The following TNFRSF8 variants were observed in gnomAD, a reference collection of about 807,000 sequenced individuals.
TNFRSF8 encodes the protein tumor necrosis factor receptor superfamily member 8.
In TNFRSF8, 26 loss-of-function variants were observed where a neutral mutation model predicts 70.8. The observed-to-expected ratio is 0.37, with a 90% CI of 0.27 to 0.51. The LOEUF (loss-of-function observed/expected upper bound fraction) is 0.51. Among genes scored for constraint, TNFRSF8 ranks in the 20% least tolerant of loss-of-function variants. TNFRSF8 has a pLI of 0.94. For missense variants in TNFRSF8, 720 were observed against 807.9 expected (o/e 0.89, Z 1.32); for synonymous variants, 356 against 339.2 (o/e 1.05, Z -0.54).
chr1:12,143,215 T>G lies in TNFRSF8; in HGVS notation c.*684T>G, dbSNP rs1254840783. On this transcript the variant is annotated 3_prime_UTR_variant, in exon 15 of 15. Coordinates refer to ENST00000263932, the MANE Select transcript of TNFRSF8 (RefSeq NM_001243.5). The surrounding 1 kb of genome is among the most constrained non-coding windows in gnomAD (Gnocchi z 4.1). Reference sequence around the variant, plus strand: ...CTTCCCTGTCCTGTAGCCCCCTCGGTGGGCCCAGGGCCTAGGGCCCAGGAT... The same window carrying G: ...CTTCCCTGTCCTGTAGCCCCCTCGGGGGGCCCAGGGCCTAGGGCCCAGGAT... 1 of 152,280 alleles carries G rather than the reference T, an allele frequency of 6.6e-6. No homozygotes were observed. Among genetic ancestry groups the G allele is most frequent in the East Asian group, 1.9e-4 (1 of 5,186 alleles). The allele number at this position is 152,280 out of a possible 1,614,324, so 9.4% of individuals were successfully genotyped here. A position where few individuals can be genotyped will look rare whatever the true frequency, so the allele number is the denominator to read the frequency against.
rs1428976090 is a variant in TNFRSF8, at chr1:12,119,144, G to GT, written c.946+3416dup. Among the ~76,000 whole-genome samples the GT allele has an allele frequency of 1.3e-5, 2 of 152,328 alleles. No individual in the cohort carries two copies. Among genetic ancestry groups the GT allele is most frequent in the East Asian group, 3.9e-4 (2 of 5,178 alleles). On this transcript the variant is annotated intron_variant, in intron 8 of 14. Coordinates refer to ENST00000263932, the MANE Select transcript of TNFRSF8 (RefSeq NM_001243.5). The surrounding 1 kb of genome is among the most constrained non-coding windows in gnomAD (Gnocchi z 4.4). ...TCGCAAAAGTGCTGGGATTACCGGC[G>GT]TGAGCCACTGCGCCCGGCCATTTGT...
At chr1:12,133,822 G>A (rs903668030) in intron 12 of TNFRSF8, among the ~76,000 whole-genome samples, 1 of 151,794 alleles carries the variant, frequency 6.6e-6, no homozygotes, top group African/African-American at 2.4e-5. Flanking sequence ...AGAGGCCGAG[G>A]CGGGCAGATC....
chr1:12,109,687 C>T lies in TNFRSF8; in HGVS notation c.512+31C>T, dbSNP rs972567131. ...TCCCTGGCTTTGCCTCCTCCTCTTCCCCCAAGCTGGCTTTCAGATGAGGCT... is the reference window on the plus strand; with the variant it reads ...TCCCTGGCTTTGCCTCCTCCTCTTCTCCCAAGCTGGCTTTCAGATGAGGCT... On this transcript the variant is annotated intron_variant, in intron 5 of 14. Transcript: ENST00000263932. The surrounding 1 kb of genome is among the most constrained non-coding windows in gnomAD (Gnocchi z 4.4). 4.4e-6 allele frequency: 7 copies of T among 1,589,826 alleles called. No homozygotes were observed. The highest frequency in any genetic ancestry group is 6.0e-6 in the Non-Finnish European group (7 of 1,159,292).
chr1:12,066,287 G>A (rs965709599), intron 1 of TNFRSF8, among the ~76,000 whole-genome samples: 1 of 151,398 alleles, frequency 6.6e-6, no homozygotes, highest in Non-Finnish European at 1.5e-5. Flanking sequence ...TTCCAGTAAA[G>A]GTTCGGGAAG....
chr1:12,071,885 T>TG (rs1057251091), intron 1 of TNFRSF8, among the ~76,000 whole-genome samples: 11 of 151,924 alleles, frequency 7.2e-5, no homozygotes, highest in African/African-American at 2.7e-4. Flanking sequence ...TTAGTAGAGA[T>TG]GGGGTTTCAC....
At chr1:12,066,496 G>A (rs548965551) in intron 1 of TNFRSF8, among the ~76,000 whole-genome samples, 4 of 152,030 alleles carry the variant, frequency 2.6e-5, no homozygotes, top group Admixed American at 1.3e-4. Context: ...TTGGATTACA[G>A]GCACTTGCCA....
chr1:12,076,813 T>C (rs1456287879), intron 1 of TNFRSF8, among the ~76,000 whole-genome samples: 3 of 152,094 alleles, frequency 2.0e-5, no homozygotes. Context: ...GCACTGAGTG[T>C]GGAGAGAGGG....
Position 12,119,604 on chromosome 1 carries a change from A to T in TNFRSF8, c.947-3680A>T, listed in dbSNP as rs914323521. Among the ~76,000 whole-genome samples the T allele has an allele frequency of 2.3e-4, 30 of 132,640 alleles. No individual in the cohort carries two copies. The highest frequency in any genetic ancestry group is 3.6e-4 in the Non-Finnish European group (22 of 61,462). 87.0% of individuals were successfully genotyped at this position (132,640 alleles called of 152,430 possible). ...AATTTATCTTATATCTTTTATTATT[A>T]TTTTTATTATTTTTAGAGACAGGGT... On this transcript the variant is annotated intron_variant, in intron 8 of 14. Transcript: ENST00000263932. The surrounding 1 kb of genome is among the most constrained non-coding windows in gnomAD (Gnocchi z 4.4).
intron 2 of TNFRSF8, among the ~76,000 whole-genome samples, chr1:12,092,509 CTTT>C (rs60030428): frequency 5.4e-5 from 7 of 130,042 alleles, no homozygotes; most frequent in Non-Finnish European, 8.2e-5. Context: ...TTTTTCTTGT[CTTT>C]TTTTTTTTTT....
At chr1:12,071,756 T>G (rs1385454668) in intron 1 of TNFRSF8, among the ~76,000 whole-genome samples, 1 of 152,120 alleles carries the variant, frequency 6.6e-6, no homozygotes, top group Non-Finnish European at 1.5e-5. Context: ...TACAGACAGG[T>G]TTCACCATGT....
rs781463422 is a variant in TNFRSF8, at chr1:12,110,947, G to A, written c.676+743G>A. ...TAGCCCTCCATGGCGTAGATATGCC[G>A]AGCTCTGTTTATCCAGTTTTTGAAT... On this transcript the variant is annotated intron_variant, in intron 6 of 14. Coordinates refer to ENST00000263932, the MANE Select transcript of TNFRSF8 (RefSeq NM_001243.5). The surrounding 1 kb of genome is among the most constrained non-coding windows in gnomAD (Gnocchi z 4.0). 6.6e-6 allele frequency among the ~76,000 whole-genome samples: 1 copy of A among 152,084 alleles called. No homozygotes were observed. Among genetic ancestry groups the A allele is most frequent in the African/African-American group, 2.4e-5 (1 of 41,402 alleles).
chr1:12,140,929 G>A (rs971975220), intron 14 of TNFRSF8, among the ~76,000 whole-genome samples: 4 of 152,030 alleles, frequency 2.6e-5, no homozygotes, highest in Non-Finnish European at 5.9e-5. Flanking sequence ...CCTCTATAGG[G>A]CTCCTAGGGC....
chr1:12,070,916 A>G (rs972569261), intron 1 of TNFRSF8, among the ~76,000 whole-genome samples: 1 of 152,218 alleles, frequency 6.6e-6, no homozygotes, highest in Non-Finnish European at 1.5e-5. Flanking sequence ...AGTCAACTGT[A>G]GAAGTCCTGG....
chr1:12,107,783 A>C (rs1036721266), intron 4 of TNFRSF8, among the ~76,000 whole-genome samples: 1 of 152,118 alleles, frequency 6.6e-6, no homozygotes, highest in African/African-American at 2.4e-5. Context: ...CCAGCTGTAA[A>C]ATAGAAAGCA....
At position 12,115,562 on chromosome 1, in the gene TNFRSF8, A is replaced by G; in HGVS notation, c.794-15A>G. On this transcript the variant is annotated splice_polypyrimidine_tract_variant and intron_variant, in intron 7 of 14. Transcript: ENST00000263932. ...ATACTGATCTTTCTCCGTGATCCTC[A>G]TCTGTGTCCCTTAGATGACCTTGTG... 2 of 1,614,132 alleles carry G rather than the reference A, an allele frequency of 1.2e-6. No homozygotes were observed. Among genetic ancestry groups the G allele is most frequent in the Non-Finnish European group, 1.7e-6 (2 of 1,180,006 alleles).
chr1:12,126,261 G>T (rs778009312), intron 12 of TNFRSF8, 25 bp downstream of exon 12: 2 of 1,614,050 alleles, frequency 1.2e-6, no homozygotes, highest in Admixed American at 3.3e-5. Context: ...GTCCAAAGGG[G>T]CTGCCCGAGC....
intron 8 of TNFRSF8, among the ~76,000 whole-genome samples, chr1:12,122,658 CATAA>C (rs373833571): frequency 1.6e-3 from 238 of 151,810 alleles, no homozygotes; most frequent in African/African-American, 5.5e-3. Flanking sequence ...AAAAATTAAA[CATAA>C]ATAAATAAAT....
rs568432718 is a variant in TNFRSF8, at chr1:12,128,440, G to A, written c.1309+2204G>A. 2.0e-5 allele frequency among the ~76,000 whole-genome samples: 3 copies of A among 152,322 alleles called. No homozygotes were observed. In the East Asian group the frequency reaches 5.8e-4, roughly 29 times the overall value. Reference sequence around the variant, plus strand: ...CGAGTGGATCGACCTTCCCGTGTGTGTCCTCGGTGACAGGCATTTGCAAAG... The same window carrying A: ...CGAGTGGATCGACCTTCCCGTGTGTATCCTCGGTGACAGGCATTTGCAAAG... On this transcript the variant is annotated intron_variant, in intron 12 of 14. Transcript: ENST00000263932.
chr1:12,127,894 A>G (rs1398547625), intron 12 of TNFRSF8, among the ~76,000 whole-genome samples: 1 of 152,252 alleles, frequency 6.6e-6, no homozygotes, highest in Non-Finnish European at 1.5e-5. Flanking sequence ...AGCCAGGTCT[A>G]CAAAGAACTG....
Sources: allele counts gnomAD v4.1 joint callset (sites outside exome capture counted in the v4.1 genomes callset), GRCh38; gene constraint gnomAD v4.1.1; non-coding constraint Gnocchi (gnomAD v3.1); transcripts MANE v1.5; gene names NCBI Gene and HGNC (gene_info 2026-07-23, HGNC 2026-07-21).